KCNK13: variants seen among roughly 807,000 people sequenced by gnomAD.
The protein encoded by KCNK13 is potassium two pore domain channel subfamily K member 13.
In KCNK13, 12 loss-of-function variants were observed where a neutral mutation model predicts 23.4. The ratio of observed to expected loss-of-function variants is 0.51; its 90% CI spans 0.33 to 0.83. The LOEUF (loss-of-function observed/expected upper bound fraction) is 0.83, where lower values mean the gene tolerates loss of function less well. Among genes scored for constraint, KCNK13 ranks in the 40% least tolerant of loss-of-function variants. KCNK13 has a pLI of 0.02. For missense variants in KCNK13, 463 were observed against 556.3 expected, an observed-to-expected ratio of 0.83 and a Z score of 1.69; for synonymous variants, 231 against 229.5, an observed-to-expected ratio of 1.01 and a Z score of -0.06.
intron 1 of KCNK13, among the ~76,000 whole-genome samples, chr14:90,172,841 T>C (rs1566651887): frequency 6.6e-6 from 1 of 150,574 alleles, no homozygotes; most frequent in African/African-American, 2.4e-5. Context: ...TTGGCTAGGG[T>C]AAAAAAAAAG....
intron 1 of KCNK13, among the ~76,000 whole-genome samples, chr14:90,093,934 G>T (rs1889378269): frequency 6.6e-6 from 1 of 152,194 alleles, no homozygotes; most frequent in South Asian, 2.1e-4. Context: ...TAATTGACTT[G>T]CCATATTGGG....
At chr14:90,118,528 C>T (rs1198455223) in intron 1 of KCNK13, among the ~76,000 whole-genome samples, 2 of 152,130 alleles carry the variant, frequency 1.3e-5, no homozygotes, top group African/African-American at 4.8e-5. Context: ...TGTGAGTTTC[C>T]ACCTTTTGGC....
intron 1 of KCNK13, among the ~76,000 whole-genome samples, chr14:90,093,063 G>A (rs1889368417): frequency 6.6e-6 from 1 of 152,082 alleles, no homozygotes; most frequent in African/African-American, 2.4e-5. Context: ...CCCAATTCCA[G>A]TAATTAAATG....
chr14:90,108,138 T>C, intron 1 of KCNK13: 3 of 370,844 alleles, frequency 8.1e-6, no homozygotes, highest in Admixed American at 7.9e-5. Context: ...GTGGATCAAC[T>C]TGCTCTTGAC....
chr14:90,172,708 G>T (rs1890378918), intron 1 of KCNK13, among the ~76,000 whole-genome samples: 1 of 152,108 alleles, frequency 6.6e-6, no homozygotes, highest in Admixed American at 6.5e-5. Flanking sequence ...GTTTGCATAA[G>T]TTCACTTCAA....
At chr14:90,152,944 C>T (rs1031906540) in intron 1 of KCNK13, among the ~76,000 whole-genome samples, 2 of 152,290 alleles carry the variant, frequency 1.3e-5, no homozygotes, top group East Asian at 1.9e-4. Context: ...AGGGCCTGGT[C>T]TGGGCCTTGA....
intron 1 of KCNK13, among the ~76,000 whole-genome samples, chr14:90,163,680 CTTAT>C (rs10629193): frequency 1.5e-4 from 22 of 151,670 alleles, no homozygotes; most frequent in South Asian, 2.1e-4. Flanking sequence ...CTTCACGTTT[CTTAT>C]TTATTTATTT....
intron 1 of KCNK13, among the ~76,000 whole-genome samples, chr14:90,087,154 A>ATATAT (rs1282261147): frequency 9.3e-6 from 1 of 107,650 alleles, no homozygotes; most frequent in South Asian, 3.1e-4. Flanking sequence ...ATATATATAT[A>ATATAT]TTTTTTTTTT....
chr14:90,112,933 A>G (rs1884287634), intron 1 of KCNK13, among the ~76,000 whole-genome samples: 2 of 140,222 alleles, frequency 1.4e-5, no homozygotes, highest in African/African-American at 2.7e-5. Context: ...TTTTTTTTTG[A>G]GACAGGGTCT....
chr14:90,064,456 C>T (rs1020796100), intron 1 of KCNK13, among the ~76,000 whole-genome samples: 11 of 151,944 alleles, frequency 7.2e-5, no homozygotes, highest in Admixed American at 2.0e-4. Context: ...TTTGGGGATA[C>T]GAATATGACA....
intron 1 of KCNK13, among the ~76,000 whole-genome samples, chr14:90,140,531 C>A (rs1323664319): frequency 6.6e-6 from 1 of 152,290 alleles, no homozygotes; most frequent in African/African-American, 2.4e-5. Flanking sequence ...CGAGTCCCCT[C>A]TCTCTAAAGA....
intron 1 of KCNK13, among the ~76,000 whole-genome samples, chr14:90,094,060 A>G (rs1889379801): frequency 6.6e-6 from 1 of 152,008 alleles, no homozygotes; most frequent in South Asian, 2.1e-4. Context: ...TGAGACAGAC[A>G]TCTCTGAGGT....
intron 1 of KCNK13, among the ~76,000 whole-genome samples, chr14:90,128,419 C>T (rs116774655): frequency 6.0e-4 from 91 of 152,238 alleles, no homozygotes; most frequent in African/African-American, 2.1e-3. Flanking sequence ...CTTGGCCAGC[C>T]GCTCCCTTTC....
chr14:90,170,046 C>A (rs1791816676), intron 1 of KCNK13, among the ~76,000 whole-genome samples: 1 of 152,128 alleles, frequency 6.6e-6, no homozygotes, highest in Non-Finnish European at 1.5e-5. Context: ...TGCTGGCCCA[C>A]TCCCAAACCC....
At chr14:90,121,832 G>A (rs554205555) in intron 1 of KCNK13, among the ~76,000 whole-genome samples, 1 of 152,124 alleles carries the variant, frequency 6.6e-6, no homozygotes, top group Admixed American at 6.5e-5. Context: ...TGATTCTCCT[G>A]CCTCAGCCTC....
chr14:90,097,431 A>G (rs1468056788), intron 1 of KCNK13, among the ~76,000 whole-genome samples: 1 of 152,006 alleles, frequency 6.6e-6, no homozygotes, highest in East Asian at 1.9e-4. Flanking sequence ...CAAAGCGAGA[A>G]CTCACTCAAT....
At chr14:90,158,432 C>T (rs995485031) in intron 1 of KCNK13, among the ~76,000 whole-genome samples, 1 of 152,230 alleles carries the variant, frequency 6.6e-6, no homozygotes. Flanking sequence ...TAAAAGGAAG[C>T]ATTCATGACC....
chr14:90,153,462 A>G (rs772477087), intron 1 of KCNK13, among the ~76,000 whole-genome samples: 3 of 152,214 alleles, frequency 2.0e-5, no homozygotes, highest in Non-Finnish European at 4.4e-5. Flanking sequence ...CAGAGCCTGG[A>G]ACCCGGTACA....
At chr14:90,162,799 T>C (rs1253815916) in intron 1 of KCNK13, among the ~76,000 whole-genome samples, 1 of 152,150 alleles carries the variant, frequency 6.6e-6, no homozygotes, top group East Asian at 1.9e-4. Context: ...AATTAAACTT[T>C]AGTGTAGCAG....
Sources: allele counts gnomAD v4.1 joint callset (sites outside exome capture counted in the v4.1 genomes callset), GRCh38; gene constraint gnomAD v4.1.1; transcripts MANE v1.5; gene names NCBI Gene and HGNC (gene_info 2026-07-23, HGNC 2026-07-21).